Variants in CHST9 observed in about 807,000 individuals in gnomAD.
CHST9 encodes the protein GalNAc-4-sulfotransferase 2.
Under a neutral mutation model 44.4 loss-of-function variants are expected in CHST9, and 41 were observed. That is an observed-to-expected ratio of 0.92 (90% CI 0.72 to 1.20). CHST9 has a LOEUF of 1.20. Ranked by LOEUF, CHST9 falls within the 50% of genes most tolerant of loss-of-function variation. CHST9 has a pLI of 0.00. For missense variants in CHST9, 504 were observed against 516.5 expected, an observed-to-expected ratio of 0.98 and a Z score of 0.23; for synonymous variants, 171 against 178.4, an observed-to-expected ratio of 0.96 and a Z score of 0.33.
chr18:27,111,678 C>G (rs952263821), intron 2 of CHST9, among the ~76,000 whole-genome samples: 2 of 152,186 alleles, frequency 1.3e-5, no homozygotes, highest in Middle Eastern at 3.2e-3. Flanking sequence ...CCATGGGATG[C>G]CCACATAGCT....
At chr18:27,000,736 A>T (rs2056942721) in intron 4 of CHST9, among the ~76,000 whole-genome samples, 1 of 152,054 alleles carries the variant, frequency 6.6e-6, no homozygotes, top group Non-Finnish European at 1.5e-5. Flanking sequence ...ATCTCATAAA[A>T]TTTACCTTTC....
chr18:27,140,189 T>G (rs28659873), intron 2 of CHST9, among the ~76,000 whole-genome samples: 1,717 of 152,272 alleles, frequency 0.011, 28 homozygotes, highest in African/African-American at 0.036. Flanking sequence ...CTCGTAGCAG[T>G]ACAACCTGGG....
intron 2 of CHST9, among the ~76,000 whole-genome samples, chr18:27,087,559 A>G (rs1284165470): frequency 6.6e-6 from 1 of 152,192 alleles, no homozygotes; most frequent in Non-Finnish European, 1.5e-5. Context: ...TTAACATTGT[A>G]CTAGATCCTG....
At chr18:27,070,732 C>G (rs2057830318) in intron 2 of CHST9, among the ~76,000 whole-genome samples, 1 of 152,324 alleles carries the variant, frequency 6.6e-6, no homozygotes, top group Non-Finnish European at 1.5e-5. Context: ...CCCAAACACT[C>G]CTTGCTTTTT....
intron 2 of CHST9, among the ~76,000 whole-genome samples, chr18:27,076,312 A>C (rs2143663872): frequency 6.6e-6 from 1 of 152,274 alleles, no homozygotes; most frequent in South Asian, 2.1e-4. Flanking sequence ...TTTTAATTTA[A>C]AGGACTGACT....
At chr18:26,917,689 G>A (rs981612169) in intron 5 of CHST9, among the ~76,000 whole-genome samples, 15 of 152,196 alleles carry the variant, frequency 9.9e-5, no homozygotes, top group African/African-American at 3.4e-4. Flanking sequence ...TACTGTTTTA[G>A]TTTGTGCACC....
At position 27,169,598 on chromosome 18, in the gene CHST9, C is replaced by CTTTTT. The variant is rs1156859087; in HGVS notation, c.-97+15533_-97+15537dup. ...CAAAATGTATAAAACATATATTCTT[C>CTTTTT]TTTTTTTTTTTTTTTTTTTTTTTTT... On this transcript the variant is annotated intron_variant, in intron 1 of 5. Coordinates refer to ENST00000618847, the MANE Select transcript of CHST9 (RefSeq NM_031422.6). Among the ~76,000 whole-genome samples the CTTTTT allele has an allele frequency of 1.7e-3, 140 of 82,186 alleles. 5 individuals carry two copies. The highest frequency in any genetic ancestry group is 5.9e-3 in the African/African-American group (119 of 20,060). The allele number at this position is 82,186 out of a possible 152,430, so 53.9% of individuals were successfully genotyped here.
chr18:27,095,501 C>T (rs1382966467), intron 2 of CHST9, among the ~76,000 whole-genome samples: 1 of 151,896 alleles, frequency 6.6e-6, no homozygotes, highest in African/African-American at 2.4e-5. Context: ...GTGAAAAGTT[C>T]GATGAAAAAA....
chr18:27,154,214 T>A (rs1598762686), intron 1 of CHST9, among the ~76,000 whole-genome samples: 1 of 152,158 alleles, frequency 6.6e-6, no homozygotes, highest in Non-Finnish European at 1.5e-5. Context: ...ATAATAAATA[T>A]GCTAATATTT....
At chr18:27,103,345 C>T (rs967825361) in intron 2 of CHST9, among the ~76,000 whole-genome samples, 2 of 152,282 alleles carry the variant, frequency 1.3e-5, no homozygotes, top group East Asian at 3.9e-4. Context: ...TGTACCTGGT[C>T]AGTCTCTGCT....
chr18:27,006,723 T>G (rs2057020420), intron 4 of CHST9, among the ~76,000 whole-genome samples: 1 of 152,200 alleles, frequency 6.6e-6, no homozygotes, highest in Admixed American at 6.5e-5. Flanking sequence ...ATTGCTGCAA[T>G]TTTTAGATGT....
intron 2 of CHST9, among the ~76,000 whole-genome samples, chr18:27,055,946 G>GTGTA (rs1483713714): frequency 6.7e-6 from 1 of 148,822 alleles, no homozygotes; most frequent in Non-Finnish European, 1.5e-5. Context: ...TCGTGTGTGT[G>GTGTA]TGTGTGTGTG....
intron 4 of CHST9, among the ~76,000 whole-genome samples, chr18:26,945,095 T>G (rs186955136): frequency 6.6e-6 from 1 of 152,012 alleles, no homozygotes; most frequent in Non-Finnish European, 1.5e-5. Flanking sequence ...AAACAAACCA[T>G]GAGAAAAGAA....
intron 4 of CHST9, among the ~76,000 whole-genome samples, chr18:27,014,060 T>G (rs1365817032): frequency 6.6e-6 from 1 of 152,086 alleles, no homozygotes; most frequent in African/African-American, 2.4e-5. Flanking sequence ...ATAACAAGAT[T>G]CAAGAACTCT....
intron 4 of CHST9, among the ~76,000 whole-genome samples, chr18:26,951,723 A>G (rs2056250896): frequency 6.6e-6 from 1 of 152,266 alleles, no homozygotes. Flanking sequence ...TTCATGGCTT[A>G]GATTTTAGAT....
chr18:27,044,827 G>A (rs529379787), intron 3 of CHST9, among the ~76,000 whole-genome samples: 1 of 150,716 alleles, frequency 6.6e-6, no homozygotes, highest in Non-Finnish European at 1.5e-5. Flanking sequence ...ACAGATGGAA[G>A]ATTTTATTCA....
intron 2 of CHST9, among the ~76,000 whole-genome samples, chr18:27,125,476 C>T (rs553253048): frequency 1.1e-4 from 16 of 152,258 alleles, no homozygotes; most frequent in East Asian, 3.9e-4. Context: ...AGCCCCAGCA[C>T]GGGAAGCTGG....
intron 2 of CHST9, among the ~76,000 whole-genome samples, chr18:27,055,937 C>CAT (rs1555680082): frequency 2.7e-5 from 4 of 147,344 alleles, no homozygotes; most frequent in Admixed American, 1.4e-4. Flanking sequence ...TTCTCTCTTT[C>CAT]GTGTGTGTGT....
intron 2 of CHST9, among the ~76,000 whole-genome samples, chr18:27,100,176 A>T (rs1011236415): frequency 6.6e-6 from 1 of 152,110 alleles, no homozygotes; most frequent in African/African-American, 2.4e-5. Flanking sequence ...TCAATACTAT[A>T]TGTCCTTACT....
Sources: allele counts gnomAD v4.1 joint callset (sites outside exome capture counted in the v4.1 genomes callset), GRCh38; gene constraint gnomAD v4.1.1; transcripts MANE v1.5; gene names NCBI Gene and HGNC (gene_info 2026-07-23, HGNC 2026-07-21).